The following NAALADL2 variants were observed in gnomAD, a reference collection of about 807,000 sequenced individuals.
NAALADL2 encodes N-acetylated alpha-linked acidic dipeptidase like 2.
In NAALADL2, 76 loss-of-function variants were observed where a neutral mutation model predicts 87.2. That is an observed-to-expected ratio of 0.87 (90% CI 0.72 to 1.05). NAALADL2 has a LOEUF of 1.05. Ranked by LOEUF, NAALADL2 falls within the 50% of genes least tolerant of loss-of-function variation. NAALADL2 has a pLI of 0.00. For synonymous variants in NAALADL2, 354 were observed against 331.0 expected (o/e 1.07, Z -0.75); for missense variants, 1,089 against 945.8 (o/e 1.15, Z -1.99).
intron 3 of NAALADL2, among the ~76,000 whole-genome samples, chr3:174,794,569 T>C (rs1043422835): frequency 2.0e-5 from 3 of 152,206 alleles, no homozygotes; most frequent in Admixed American, 1.3e-4. Flanking sequence ...TATCTTTTTC[T>C]TATTTAAGTT....
intron 3 of NAALADL2, among the ~76,000 whole-genome samples, chr3:174,755,066 C>T (rs987601068): frequency 1.2e-4 from 18 of 152,126 alleles, no homozygotes; most frequent in Non-Finnish European, 2.1e-4. Flanking sequence ...GGGAGAGACC[C>T]GGTGGAGGTG....
intron 11 of NAALADL2, among the ~76,000 whole-genome samples, chr3:175,724,389 A>G (rs550272807): frequency 3.3e-5 from 5 of 152,256 alleles, no homozygotes; most frequent in African/African-American, 9.6e-5. Flanking sequence ...ATTTACATAC[A>G]TGTATTTTTA....
intron 13 of NAALADL2, among the ~76,000 whole-genome samples, chr3:175,789,037 CTTTAGAGTTTCTTT>C (rs1560017037): frequency 6.6e-6 from 1 of 151,970 alleles, no homozygotes; most frequent in East Asian, 1.9e-4. Context: ...TCCTTAACTT[CTTTAGAGTTTCTTT>C]TGTTTTATTA....
chr3:175,011,320 G>A (rs6783950), intron 1 of NAALADL2, among the ~76,000 whole-genome samples: 48 of 141,814 alleles, frequency 3.4e-4, no homozygotes, highest in African/African-American at 1.1e-3. Context: ...GAGAGAGAGA[G>A]ACTAATTCTG....
intron 2 of NAALADL2, among the ~76,000 whole-genome samples, chr3:175,215,834 G>A (rs1742432703): frequency 6.6e-6 from 1 of 152,080 alleles, no homozygotes; most frequent in Admixed American, 6.6e-5. Flanking sequence ...AATTCTTCTG[G>A]ATAGTGCAGA....
At chr3:175,314,694 A>ATATATATATAGTTCTAAC (rs1553857586) in intron 4 of NAALADL2, among the ~76,000 whole-genome samples, 8 of 82,734 alleles carry the variant, frequency 9.7e-5, no homozygotes, top group East Asian at 5.1e-4. Flanking sequence ...ATATATATAT[A>ATATATATATAGTTCTAAC]TATATATATA....
rs201225056 is a variant in NAALADL2, at chr3:175,018,467, GA to G, written c.44-78317del. Reference sequence around the variant, plus strand: ...ATACTGCAAATGTTTATAAGTGTCAGAAAAAACATTCATTTTGTTTTCAGAC... The same window carrying G: ...ATACTGCAAATGTTTATAAGTGTCAGAAAAACATTCATTTTGTTTTCAGAC... On this transcript the variant is annotated intron_variant, in intron 1 of 13. Transcript: ENST00000454872. Among the ~76,000 whole-genome samples the G allele has an allele frequency of 7.2e-3, 1,099 of 152,064 alleles. 5 individuals carry two copies. Among genetic ancestry groups the G allele is most frequent in the African/African-American group, 0.024 (1,012 of 41,492 alleles).
chr3:174,538,273 C>T (rs34295467), intron 1 of NAALADL2, among the ~76,000 whole-genome samples: 4 of 152,084 alleles, frequency 2.6e-5, no homozygotes, highest in Non-Finnish European at 5.9e-5. Context: ...TGTTGGCCCA[C>T]GGCATTCCTA....
intron 3 of NAALADL2, among the ~76,000 whole-genome samples, chr3:175,243,832 GA>G (rs1747452566): frequency 6.6e-6 from 1 of 152,118 alleles, no homozygotes; most frequent in East Asian, 1.9e-4. Context: ...GAAATGGGAA[GA>G]TAAAGTTACC....
At chr3:174,498,976 TGA>T (rs992483426) in intron 1 of NAALADL2, among the ~76,000 whole-genome samples, 3 of 152,010 alleles carry the variant, frequency 2.0e-5, no homozygotes, top group Non-Finnish European at 4.4e-5. Context: ...TAAGTTATTC[TGA>T]GAGAGAGAGA....
rs72012659 is a variant in NAALADL2 at position 175,166,346 on chromosome 3, ACTCT to A, written c.546-67579_546-67576del. Among the ~76,000 whole-genome samples the A allele has an allele frequency of 7.6e-3, 1,154 of 151,046 alleles. 2 individuals carry two copies. Among genetic ancestry groups the A allele is most frequent in the South Asian group, 0.024 (113 of 4,742 alleles). ...TTTCCCTTGCATCCTCAAATTTCTC[ACTCT>A]CTCTCCATTTCTTCCCATTCATTCT... On this transcript the variant is annotated intron_variant, in intron 2 of 13. Transcript: ENST00000454872.
intron 3 of NAALADL2, among the ~76,000 whole-genome samples, chr3:174,830,402 T>G (rs1049392792): frequency 6.6e-6 from 1 of 152,220 alleles, no homozygotes; most frequent in African/African-American, 2.4e-5. Context: ...TTCTCAGGTT[T>G]GTCAAAGATC....
At chr3:174,483,145 G>T (rs997268903) in intron 1 of NAALADL2, among the ~76,000 whole-genome samples, 1 of 151,970 alleles carries the variant, frequency 6.6e-6, no homozygotes. Flanking sequence ...AGGGTAGAAG[G>T]TTAGTGGCAA....
Position 175,016,933 on chromosome 3 carries a change from T to G in NAALADL2, c.44-79857T>G, listed in dbSNP as rs533559045. On this transcript the variant is annotated intron_variant, in intron 1 of 13. Transcript: ENST00000454872. Reference sequence around the variant, plus strand: ...TTTGTTGGGAACATTCATGTTATTGTCTACTAGCTATTTTGAAATGTACAA... The same window carrying G: ...TTTGTTGGGAACATTCATGTTATTGGCTACTAGCTATTTTGAAATGTACAA... Among the ~76,000 whole-genome samples the G allele has an allele frequency of 2.0e-5, 3 of 152,186 alleles. No homozygotes were observed. The South Asian group carries it at 6.2e-4, about 32-fold the overall frequency.
chr3:175,471,278 G>T (rs966938770), intron 8 of NAALADL2, among the ~76,000 whole-genome samples: 2 of 151,820 alleles, frequency 1.3e-5, no homozygotes, highest in African/African-American at 4.8e-5. Context: ...GAGGTCAGGA[G>T]ATCAAGACCA....
At chr3:175,186,368 A>C (rs1737336720) in intron 2 of NAALADL2, among the ~76,000 whole-genome samples, 1 of 152,092 alleles carries the variant, frequency 6.6e-6, no homozygotes, top group South Asian at 2.1e-4. Context: ...CCTTCATCAG[A>C]TGTTCTTACT....
intron 2 of NAALADL2, among the ~76,000 whole-genome samples, chr3:175,113,896 A>G (rs1243371178): frequency 6.6e-6 from 1 of 151,676 alleles, no homozygotes; most frequent in Non-Finnish European, 1.5e-5. Context: ...TGTTTGTTAC[A>G]TACACAGTCT....
At chr3:175,581,139 C>A in intron 10 of NAALADL2, 1 of 395,760 alleles carries the variant, frequency 2.5e-6, no homozygotes, top group Middle Eastern at 5.7e-4. Flanking sequence ...TTTCAAAAAT[C>A]TCTTTAAAAA....
At chr3:174,805,495 G>A (rs1719362556) in intron 3 of NAALADL2, among the ~76,000 whole-genome samples, 1 of 152,028 alleles carries the variant, frequency 6.6e-6, no homozygotes, top group Non-Finnish European at 1.5e-5. Flanking sequence ...CACTATTTAT[G>A]CTATCTTATT....
Sources: allele counts gnomAD v4.1 joint callset (sites outside exome capture counted in the v4.1 genomes callset), GRCh38; gene constraint gnomAD v4.1.1; transcripts MANE v1.5; gene names NCBI Gene and HGNC (gene_info 2026-07-23, HGNC 2026-07-21).